Variants in WDR70 observed in about 807,000 individuals in gnomAD.
WDR70 encodes the protein WD repeat-containing protein 70.
In WDR70, 53 loss-of-function variants were observed where a neutral mutation model predicts 88.6. The ratio of observed to expected loss-of-function variants is 0.60; its 90% CI spans 0.48 to 0.75. WDR70 has a LOEUF of 0.75. Among genes scored for constraint, WDR70 ranks in the 30% least tolerant of loss-of-function variants. The pLI is 0.00. For missense variants in WDR70, 610 were observed against 823.2 expected, an observed-to-expected ratio of 0.74 and a Z score of 3.17; for synonymous variants, 280 against 270.0, an observed-to-expected ratio of 1.04 and a Z score of -0.36.
At chr5:37,506,536 C>G in intron 8 of WDR70, 2 of 771,130 alleles carry the variant, frequency 2.6e-6, no homozygotes, top group Non-Finnish European at 4.8e-6. Flanking sequence ...TCTTTATTCG[C>G]TAAAGTGCTC....
chr5:37,599,621 G>A (rs1463497579), intron 9 of WDR70, among the ~76,000 whole-genome samples: 1 of 152,204 alleles, frequency 6.6e-6, no homozygotes, highest in Non-Finnish European at 1.5e-5. Flanking sequence ...GCCGGGCGTG[G>A]TGGCTCACGC....
Position 37,679,605 on chromosome 5 carries a change from G to A in WDR70, c.1093-18050G>A, listed in dbSNP as rs558216139. 6.6e-5 allele frequency among the ~76,000 whole-genome samples: 10 copies of A among 152,344 alleles called. No individual in the cohort carries two copies. In the South Asian group the frequency reaches 1.9e-3, roughly 28 times the overall value. ...GTTCCTCTGGAAGTTTTGTCTCAGA[G>A]GAGTACCCGGCCGTGTGAGGTGTCA... is the stretch of plus-strand genomic sequence containing the variant. On this transcript the variant is annotated intron_variant, in intron 10 of 17. Coordinates refer to ENST00000265107, the MANE Select transcript of WDR70 (RefSeq NM_018034.4).
chr5:37,437,955 A>T lies in WDR70; in HGVS notation c.526A>T (p.Ile176Leu). The T allele has an allele frequency of 6.2e-7, 1 of 1,611,000 alleles. No homozygotes were observed. Among genetic ancestry groups the T allele is most frequent in the Admixed American group, 1.7e-5 (1 of 59,558 alleles). ...TCACAAGATTCCTGACTCGCATGAG[A>T]TAACGCTGAAGCATGGCACTAAAAC... is the stretch of plus-strand genomic sequence containing the variant. ...PVHKIPDSHEITLKHGTKTVS... is the reference protein window; with the variant it reads ...PVHKIPDSHELTLKHGTKTVS... Residue 176 changes from isoleucine (I) to leucine (L), a missense_variant, in exon 6 of 18, where the codon ATA (isoleucine) becomes TTA (leucine). Around this residue, in one of 4 missense-constraint regions of WDR70, gnomAD observed 203 missense variants for 228.1 expected, o/e 0.89. Transcript: ENST00000265107.
chr5:37,704,559 G>A (rs568362943), intron 13 of WDR70, among the ~76,000 whole-genome samples: 14 of 152,190 alleles, frequency 9.2e-5, no homozygotes, highest in Admixed American at 5.2e-4. Flanking sequence ...CTTTTTCTCC[G>A]TGGTACTTAC....
chr5:37,680,100 C>T (rs1746380255), intron 10 of WDR70, among the ~76,000 whole-genome samples: 1 of 151,970 alleles, frequency 6.6e-6, no homozygotes, highest in Non-Finnish European at 1.5e-5. Context: ...TGACTGATGA[C>T]ACATGGTATC....
chr5:37,624,435 A>G (rs376140782), intron 10 of WDR70, among the ~76,000 whole-genome samples: 12 of 152,112 alleles, frequency 7.9e-5, no homozygotes, highest in African/African-American at 1.9e-4. Context: ...TAATTTATCT[A>G]TTTATTATTG....
At chr5:37,512,775 G>A (rs1050493378) in intron 8 of WDR70, among the ~76,000 whole-genome samples, 18 of 151,462 alleles carry the variant, frequency 1.2e-4, no homozygotes, top group Admixed American at 6.6e-5. Flanking sequence ...TGTAGAGATG[G>A]GGTTTTGCCA....
chr5:37,604,659 T>C (rs1268741755), intron 9 of WDR70, among the ~76,000 whole-genome samples: 2 of 152,226 alleles, frequency 1.3e-5, no homozygotes, highest in Non-Finnish European at 2.9e-5. Flanking sequence ...TGTTTTCTGG[T>C]GTATGTTAAA....
chr5:37,621,466 C>T (rs985389237), intron 10 of WDR70, among the ~76,000 whole-genome samples: 8 of 152,108 alleles, frequency 5.3e-5, no homozygotes, highest in African/African-American at 2.4e-5. Flanking sequence ...GTAATCATTC[C>T]TCATTCTCCC....
chr5:37,383,509 G>T (rs922110003), intron 3 of WDR70, among the ~76,000 whole-genome samples: 9 of 152,042 alleles, frequency 5.9e-5, no homozygotes, highest in African/African-American at 1.9e-4. Flanking sequence ...TGATCCGCCC[G>T]CCTCGGCCTC....
At chr5:37,628,903 T>TAACA (rs1314230708) in intron 10 of WDR70, among the ~76,000 whole-genome samples, 1 of 152,224 alleles carries the variant, frequency 6.6e-6, no homozygotes, top group East Asian at 1.9e-4. Flanking sequence ...TGGTAGCTGT[T>TAACA]GTCTTTTCAC....
chr5:37,542,420 C>T lies in WDR70; in HGVS notation c.917+25830C>T, dbSNP rs534186161. Among the ~76,000 whole-genome samples, 4 of 152,012 alleles carry T rather than the reference C, an allele frequency of 2.6e-5. No individual in the cohort carries two copies. The East Asian group carries it at 5.8e-4, about 22-fold the overall frequency. ...TCAGCCTCCTGAGTAGCTGGGATTA[C>T]AGGCATGCACCACCATGCCCGGCTA... On this transcript the variant is annotated intron_variant, in intron 9 of 17. Coordinates refer to ENST00000265107, the MANE Select transcript of WDR70 (RefSeq NM_018034.4).
rs546072449 is a variant in WDR70, at chr5:37,737,524, C to T, written c.1877+10479C>T. Among the ~76,000 whole-genome samples, 255 of 152,282 alleles carry T rather than the reference C, an allele frequency of 1.7e-3. 1 individual carries two copies. Among genetic ancestry groups the T allele is most frequent in the Middle Eastern group, 3.4e-3 (1 of 294 alleles). ...AAGTCCTGAGATTTAGCTTCAGCTC[C>T]GCCACCCCCTGGCGAGTTACCTTCA... On this transcript the variant is annotated intron_variant, in intron 17 of 17. Coordinates refer to ENST00000265107, the MANE Select transcript of WDR70 (RefSeq NM_018034.4).
At chr5:37,738,029 T>TAA (rs56082932) in intron 17 of WDR70, among the ~76,000 whole-genome samples, 5,548 of 142,164 alleles carry the variant, frequency 0.039, 118 homozygotes, top group Middle Eastern at 0.06. Context: ...GCCTAATATT[T>TAA]AAAAAAAAAA....
intron 7 of WDR70, among the ~76,000 whole-genome samples, chr5:37,468,071 G>A (rs541020790): frequency 7.9e-5 from 12 of 151,948 alleles, no homozygotes; most frequent in Admixed American, 1.3e-4. Flanking sequence ...GGATGGTGTC[G>A]ATCTCCTGAC....
At chr5:37,607,468 A>G (rs1029255522) in intron 10 of WDR70, among the ~76,000 whole-genome samples, 55 of 152,322 alleles carry the variant, frequency 3.6e-4, no homozygotes, top group African/African-American at 1.3e-3. Context: ...CTTGAACTTC[A>G]GTAAATTAAA....
At position 37,605,215 on chromosome 5, in the gene WDR70, C is replaced by A; in HGVS notation, c.1069C>A (p.Gln357Lys). The A allele has an allele frequency of 6.2e-7, 1 of 1,604,966 alleles. No individual in the cohort carries two copies. The highest frequency in any genetic ancestry group is 1.3e-5 in the African/African-American group (1 of 74,642). ...AGCTGCCTGCCAGAATGGAAGCATA[C>A]AGATCTGGGACCGAAATTTGACTGT... ...IAAACQNGSI[Q>K]IWDRNLTVHP... The change falls in exon 10 of 18, where the codon CAG becomes AAG. Residue 357 changes from glutamine (Q) to lysine (K), a missense_variant. Physicochemically the swap from Gln to Lys is moderately conservative, Grantham distance 53. This residue lies in a region of WDR70 where 254 missense variants were observed against 300.7 expected (regional missense o/e 0.84). Transcript: ENST00000265107.
intron 9 of WDR70, among the ~76,000 whole-genome samples, chr5:37,571,729 C>A (rs553235842): frequency 6.6e-6 from 1 of 152,228 alleles, no homozygotes; most frequent in South Asian, 2.1e-4. Context: ...TTGGCAACAT[C>A]CCTTCTCCCA....
intron 8 of WDR70, among the ~76,000 whole-genome samples, chr5:37,481,521 C>T (rs1190298448): frequency 3.3e-5 from 5 of 152,018 alleles, no homozygotes; most frequent in Non-Finnish European, 5.9e-5. Flanking sequence ...TATCTTGGCC[C>T]CTTTTACCTA....
Sources: gnomAD v4.1 joint callset for allele counts (sites outside exome capture counted in the v4.1 genomes callset) on GRCh38, gnomAD v4.1.1 for gene constraint, gnomAD v4.1.1 regional missense constraint, MANE v1.5 for transcripts, NCBI Gene and HGNC (gene_info 2026-07-23, HGNC 2026-07-21) for gene names.